MARVELD2: variants seen among roughly 807,000 people sequenced by gnomAD.
The protein encoded by MARVELD2 is MARVEL domain containing 2.
In MARVELD2, 49 loss-of-function variants were observed where a neutral mutation model predicts 57.6. The ratio of observed to expected loss-of-function variants is 0.85; its 90% confidence interval spans 0.68 to 1.08. The LOEUF (loss-of-function observed/expected upper bound fraction) is 1.08, where lower values mean the gene tolerates loss of function less well. Ranked by LOEUF, MARVELD2 falls within the 50% of genes least tolerant of loss-of-function variation. The pLI is 0.00. For missense variants in MARVELD2, 606 were observed against 701.1 expected (o/e 0.86, Z 1.53); for synonymous variants, 238 against 258.8 (o/e 0.92, Z 0.77).
intron 3 of MARVELD2, among the ~76,000 whole-genome samples, chr5:69,431,066 C>T (rs1766948290): frequency 6.6e-6 from 1 of 150,846 alleles, no homozygotes; most frequent in Admixed American, 6.6e-5. Context: ...AAGTGTTAGG[C>T]TTACACGTGT....
At chr5:69,418,792 A>G (rs530754241) in intron 1 of MARVELD2, among the ~76,000 whole-genome samples, 1 of 152,030 alleles carries the variant, frequency 6.6e-6, no homozygotes, top group Non-Finnish European at 1.5e-5. Flanking sequence ...TTTGATTTAG[A>G]TGTTTGAGGA....
rs532973277 is a variant in MARVELD2 at position 69,444,088 on chromosome 5, T to C, written c.*2434T>C. ...TTCCTGTTGAAGTGTTAAGGAAATT[T>C]AACTTTGTGAAACTTTTAAAATAAA... On this transcript the variant is annotated 3_prime_UTR_variant, in exon 7 of 7. Coordinates refer to ENST00000325631, the MANE Select transcript of MARVELD2 (RefSeq NM_001038603.3). The C allele has an allele frequency of 6.6e-6, 1 of 151,004 alleles. No individual in the cohort carries two copies. Among genetic ancestry groups the C allele is most frequent in the Admixed American group, 6.6e-5 (1 of 15,080 alleles). 9.4% of individuals were successfully genotyped at this position (151,004 alleles called of 1,614,324 possible).
chr5:69,431,494 C>A (rs998696546), intron 3 of MARVELD2, among the ~76,000 whole-genome samples: 3 of 152,160 alleles, frequency 2.0e-5, no homozygotes, highest in Non-Finnish European at 4.4e-5. Context: ...CTTTCTCTTT[C>A]CATTTAAGTA....
At chr5:69,439,618 G>A (rs541857568) in intron 5 of MARVELD2, among the ~76,000 whole-genome samples, 3 of 152,038 alleles carry the variant, frequency 2.0e-5, no homozygotes, top group South Asian at 4.2e-4. Context: ...GCTGGGCATG[G>A]TGATGCACAC....
chr5:69,439,099 G>T (rs1156742101), intron 5 of MARVELD2, among the ~76,000 whole-genome samples: 1 of 150,712 alleles, frequency 6.6e-6, no homozygotes, highest in Non-Finnish European at 1.5e-5. Context: ...AAAATATACT[G>T]GGAAAAGGAT....
intron 5 of MARVELD2, among the ~76,000 whole-genome samples, chr5:69,434,543 TTATGAC>T (rs1767073879): frequency 1.3e-5 from 2 of 151,822 alleles, no homozygotes. Context: ...GTAGCTGTGA[TTATGAC>T]AAAGAGGAAA....
At position 69,443,957 on chromosome 5, in the gene MARVELD2, T is replaced by A. The variant is rs929650342; in HGVS notation, c.*2303T>A. ...AAATGGAACAACTTCACTTTCTCTT[T>A]TATGTATTGAGCCCTGTGTTAACAT... On this transcript the variant is annotated 3_prime_UTR_variant, in exon 7 of 7. Transcript: ENST00000325631. 7.9e-6 allele frequency: 1 copy of A among 126,266 alleles called. No homozygotes were observed. Among genetic ancestry groups the A allele is most frequent in the Admixed American group, 1.1e-4 (1 of 9,500 alleles). 7.8% of individuals were successfully genotyped at this position (126,266 alleles called of 1,614,324 possible). A position where few individuals can be genotyped will look rare whatever the true frequency, so the allele number is the denominator to read the frequency against.
rs1767011053 is a variant in MARVELD2, at chr5:69,432,940, G to C, written c.1350G>C (p.Gln450His). ...CCCCTAGAAAATACCCTGTGATTCAGACAGATGATGAGCGAGAACGCTATA... is the reference window on the plus strand; with the variant it reads ...CCCCTAGAAAATACCCTGTGATTCACACAGATGATGAGCGAGAACGCTATA... ...PDYVAKYPVI[Q>H]TDDERERYKA... The change falls in exon 5 of 7, where the codon CAG (glutamine) becomes CAC (histidine). Residue 450 changes from glutamine (Q) to histidine (H), a missense_variant. Physicochemically the swap from Gln to His is conservative, Grantham distance 24 (BLOSUM62 0). Coordinates refer to ENST00000325631, the MANE Select transcript of MARVELD2 (RefSeq NM_001038603.3). 2 of 1,614,060 alleles carry C rather than the reference G, an allele frequency of 1.2e-6. No homozygotes were observed. Among genetic ancestry groups the C allele is most frequent in the African/African-American group, 2.7e-5 (2 of 74,924 alleles).
intron 1 of MARVELD2, chr5:69,418,867 A>G (rs1412973171): frequency 6.6e-6 from 1 of 152,516 alleles, no homozygotes; most frequent in East Asian, 1.9e-4. Flanking sequence ...TTTGTTTTTT[A>G]TTTTATTGTT....
Position 69,419,909 on chromosome 5 carries a change from A to G in MARVELD2, c.524A>G (p.Lys175Arg). The stretch of plus-strand genomic sequence containing the variant: ...CAAACAGTTCGAACATACAGTGAGA[A>G]GGTGGAGGAGTATAACCTGAGATAC... The part of the protein sequence containing the change: ...HTQTVRTYSE[K>R]VEEYNLRYSY... The change falls in exon 2 of 7, where the codon AAG becomes AGG. Residue 175 changes from lysine (K) to arginine (R), a missense_variant. Transcript: ENST00000325631. 2 of 1,614,186 alleles carry G rather than the reference A, an allele frequency of 1.2e-6. No individual in the cohort carries two copies. Among genetic ancestry groups the G allele is most frequent in the Non-Finnish European group, 1.7e-6 (2 of 1,180,040 alleles).
Position 69,441,512 on chromosome 5 carries a change from T to C in MARVELD2, c.1555-20T>C. ...CTGAGGAAGCCAGGAGCCAAAATAA[T>C]ACTTATATTTCTTTTACAGGATCCT... On this transcript the variant is annotated intron_variant, in intron 6 of 6. Transcript: ENST00000325631. 6.2e-7 allele frequency: 1 copy of C among 1,607,450 alleles called. No individual in the cohort carries two copies. The highest frequency in any genetic ancestry group is 1.3e-5 in the African/African-American group (1 of 74,754).
intron 5 of MARVELD2, among the ~76,000 whole-genome samples, chr5:69,435,776 A>T (rs1323006777): frequency 6.6e-6 from 1 of 151,366 alleles, no homozygotes; most frequent in African/African-American, 2.4e-5. Flanking sequence ...AAAAAAAAAA[A>T]AATGAAACCC....
In MARVELD2 at chr5:69,441,741, G is replaced by A. The variant is rs1767335062; in HGVS notation, c.*87G>A. 3 of 986,930 alleles carry A rather than the reference G, an allele frequency of 3.0e-6. No homozygotes were observed. The highest frequency in any genetic ancestry group is 4.5e-6 in the Non-Finnish European group (3 of 663,688). The allele number at this position is 986,930 out of a possible 1,614,324, so 61.1% of individuals were successfully genotyped here. On this transcript the variant is annotated 3_prime_UTR_variant, in exon 7 of 7. Coordinates refer to ENST00000325631, the MANE Select transcript of MARVELD2 (RefSeq NM_001038603.3). ...TCTGTTACCCAGGCTGGAATGCAGT[G>A]GCACAATCTCGGCTCACTGCAACCT...
intron 3 of MARVELD2, among the ~76,000 whole-genome samples, chr5:69,425,885 C>T (rs762623122): frequency 2.6e-5 from 4 of 151,688 alleles, no homozygotes; most frequent in African/African-American, 9.7e-5. Flanking sequence ...CCCACCACCG[C>T]GGCCGGCTAA....
intron 3 of MARVELD2, among the ~76,000 whole-genome samples, chr5:69,427,018 C>T (rs1766813375): frequency 6.6e-6 from 1 of 152,312 alleles, no homozygotes; most frequent in East Asian, 1.9e-4. Context: ...TACTTACTAG[C>T]TCTGCGATCC....
intron 3 of MARVELD2, among the ~76,000 whole-genome samples, chr5:69,425,932 G>A (rs1229189059): frequency 6.6e-6 from 1 of 151,754 alleles, no homozygotes; most frequent in African/African-American, 2.4e-5. Flanking sequence ...GTTTCACCAT[G>A]TTAGCTAGTT....
At chr5:69,418,667 G>A (rs558918155) in intron 1 of MARVELD2, among the ~76,000 whole-genome samples, 1 of 152,216 alleles carries the variant, frequency 6.6e-6, no homozygotes, top group South Asian at 2.1e-4. Context: ...TTTAGGAAGG[G>A]GAAGGGCTGT....
At chr5:69,439,427 C>T (rs558859156) in intron 5 of MARVELD2, among the ~76,000 whole-genome samples, 1 of 151,848 alleles carries the variant, frequency 6.6e-6, no homozygotes, top group Non-Finnish European at 1.5e-5. Context: ...TCCCAAAATG[C>T]TGGGATTACA....
At chr5:69,439,586 T>C (rs1052407966) in intron 5 of MARVELD2, among the ~76,000 whole-genome samples, 1 of 151,654 alleles carries the variant, frequency 6.6e-6, no homozygotes, top group African/African-American at 2.4e-5. Context: ...AAACTCCATC[T>C]CTACTAAAAA....
Sources: gnomAD v4.1 joint callset for allele counts (sites outside exome capture counted in the v4.1 genomes callset) on GRCh38, gnomAD v4.1.1 for gene constraint, MANE v1.5 for transcripts, NCBI Gene and HGNC (gene_info 2026-07-23, HGNC 2026-07-21) for gene names.